The following SLC16A14 variants were observed in gnomAD, a reference collection of about 807,000 sequenced individuals.
SLC16A14 encodes solute carrier family 16 member 14, also known as monocarboxylate transporter 14.
SLC16A14 carries 14 observed loss-of-function variants against 35.8 expected under a neutral mutation model. That is an observed-to-expected ratio of 0.39 (90% CI 0.26 to 0.61). The LOEUF is 0.61. SLC16A14 is among the 20% of genes least tolerant of loss of function. The pLI, the probability that SLC16A14 is intolerant of heterozygous loss-of-function variation, is 0.51. For synonymous variants in SLC16A14, 248 were observed against 258.9 expected (o/e 0.96, Z 0.40); for missense variants, 533 against 655.0 (o/e 0.81, Z 2.03).
rs1032113093 is a variant in SLC16A14, at chr2:230,045,476, C to T, written c.1381+269G>A. The stretch of plus-strand genomic sequence containing the variant: ...ATGGGAGGCTAAGGCAGGAGAATCA[C>T]TTGAACCTGGGAGGTAGAGGTTGCA... On this transcript the variant is annotated intron_variant, in intron 4 of 4. Coordinates refer to ENST00000295190, the MANE Select transcript of SLC16A14 (RefSeq NM_152527.5). 3.3e-5 allele frequency among the ~76,000 whole-genome samples: 5 copies of T among 152,024 alleles called. 1 individual carries two copies. Among genetic ancestry groups the T allele is most frequent in the Non-Finnish European group, 2.9e-5 (2 of 68,018 alleles).
In SLC16A14 at chr2:230,061,131, G is replaced by A. The variant is rs544754809; in HGVS notation, c.-14-1765C>T. ...ACAGAGCCAGGGAGCACTCTGCCCC[G>A]GAGCTTGCAATAAGCTGGAGGACTT... On this transcript the variant is annotated intron_variant, in intron 1 of 4. Transcript: ENST00000295190. Among the ~76,000 whole-genome samples the A allele has an allele frequency of 8.5e-5, 13 of 152,302 alleles. No homozygotes were observed. In the South Asian group the frequency reaches 1.0e-3, roughly 12 times the overall value.
At chr2:230,054,096 A>T (rs558465997) in intron 2 of SLC16A14, among the ~76,000 whole-genome samples, 31 of 150,798 alleles carry the variant, frequency 2.1e-4, no homozygotes, top group South Asian at 1.5e-3. Flanking sequence ...TGGGGGGGGA[A>T]GTTAAAGCTC....
chr2:230,048,721 C>T (rs2077629273), intron 3 of SLC16A14, among the ~76,000 whole-genome samples: 1 of 151,832 alleles, frequency 6.6e-6, no homozygotes, highest in Admixed American at 6.6e-5. Context: ...GTTGGGAGTT[C>T]GAGACCAGCC....
intron 2 of SLC16A14, among the ~76,000 whole-genome samples, chr2:230,050,773 G>T (rs2077653734): frequency 6.6e-6 from 1 of 152,292 alleles, no homozygotes; most frequent in South Asian, 2.1e-4. Context: ...TTTGCTAAGT[G>T]CTTTATACAA....
At chr2:230,066,520 G>T (rs1430580742) in intron 1 of SLC16A14, 2 of 361,834 alleles carry the variant, frequency 5.5e-6, no homozygotes, top group South Asian at 2.1e-5. Flanking sequence ...AACTGGGTCA[G>T]CTACATATTT....
Position 230,068,293 on chromosome 2 carries a change from G to C in SLC16A14, c.-15+262C>G, listed in dbSNP as rs527582946. On this transcript the variant is annotated intron_variant, in intron 1 of 4. Transcript: ENST00000295190. This position sits in a 1 kb window ranked among gnomAD's most constrained non-coding sequence, Gnocchi z 5.1. Reference sequence around the variant, plus strand: ...AGCAAGGCGCGCGTCCCCAAGCTCCGCCTGGCGGTCTGCCCTGAACCGCCG... The same window carrying C: ...AGCAAGGCGCGCGTCCCCAAGCTCCCCCTGGCGGTCTGCCCTGAACCGCCG... The C allele has an allele frequency of 6.6e-6, 1 of 152,364 alleles. No individual in the cohort carries two copies. Among genetic ancestry groups the C allele is most frequent in the South Asian group, 2.1e-4 (1 of 4,828 alleles). 9.4% of individuals were successfully genotyped at this position (152,364 alleles called of 1,614,324 possible).
chr2:230,052,332 C>T (rs767313538), intron 2 of SLC16A14, among the ~76,000 whole-genome samples: 3 of 152,092 alleles, frequency 2.0e-5, no homozygotes, highest in Non-Finnish European at 2.9e-5. Context: ...GATGGAATTA[C>T]TGGGGTTAAC....
At chr2:230,051,408 G>T (rs189599740) in intron 2 of SLC16A14, among the ~76,000 whole-genome samples, 5 of 152,190 alleles carry the variant, frequency 3.3e-5, no homozygotes, top group African/African-American at 4.8e-5. Flanking sequence ...GGATCTGTCT[G>T]CCTTGGCCTC....
chr2:230,063,068 A>T (rs2077763516), intron 1 of SLC16A14, among the ~76,000 whole-genome samples: 1 of 151,774 alleles, frequency 6.6e-6, no homozygotes. Flanking sequence ...TGTGTGGATC[A>T]CCTGAGGTCA....
At chr2:230,060,477 G>T (rs1192608100) in intron 1 of SLC16A14, among the ~76,000 whole-genome samples, 1 of 152,004 alleles carries the variant, frequency 6.6e-6, no homozygotes, top group Non-Finnish European at 1.5e-5. Context: ...TGAATAACTG[G>T]GACTACAGGT....
At position 230,046,435 on chromosome 2, in the gene SLC16A14, C is replaced by T; in HGVS notation, c.691G>A (p.Ala231Thr). Residue 231 changes from alanine to threonine, a missense_variant, in exon 4 of 5, where the codon GCG (alanine) becomes ACG (threonine). Physicochemically the swap from Ala to Thr is moderately conservative, Grantham distance 58 (BLOSUM62 0). Transcript: ENST00000295190. This position sits in a 1 kb window ranked among gnomAD's most constrained non-coding sequence, Gnocchi z 5.0. ...GACTTCACAGATTCTGTGGAGTGCGCTGGCAGGCCACGCACATCTTTCTCT... is the reference window on the plus strand; with the variant it reads ...GACTTCACAGATTCTGTGGAGTGCGTTGGCAGGCCACGCACATCTTTCTCT... ...PGEKDVRGLPAHSTESVKSTG... is the reference protein window; with the variant it reads ...PGEKDVRGLPTHSTESVKSTG... 6.2e-7 allele frequency: 1 copy of T among 1,614,238 alleles called. No individual in the cohort carries two copies. The highest frequency in any genetic ancestry group is 1.6e-4 in the Middle Eastern group (1 of 6,062).
chr2:230,048,195 C>G (rs1426435480), intron 3 of SLC16A14, among the ~76,000 whole-genome samples: 1 of 152,184 alleles, frequency 6.6e-6, no homozygotes, highest in East Asian at 1.9e-4. Context: ...ACCATGTAAA[C>G]TAAGCTCTCT....
chr2:230,042,223 C>T lies in SLC16A14; in HGVS notation c.1381+3522G>A, dbSNP rs182471918. Among the ~76,000 whole-genome samples the T allele has an allele frequency of 3.7e-4, 57 of 152,260 alleles. 1 individual carries two copies. In the East Asian group the frequency reaches 0.01, roughly 27 times the overall value. Reference sequence around the variant, plus strand: ...GTGGATCCCATTCCACTACAGAATCCACCTCTGGGGAGGAACCTTGAAGCA... The same window carrying T: ...GTGGATCCCATTCCACTACAGAATCTACCTCTGGGGAGGAACCTTGAAGCA... On this transcript the variant is annotated intron_variant, in intron 4 of 4. Transcript: ENST00000295190.
At position 230,066,742 on chromosome 2, in the gene SLC16A14, CT is replaced by C. The variant is rs540676268; in HGVS notation, c.-15+1812del. The C allele has an allele frequency of 8.0e-3, 3,079 of 384,544 alleles. 38 individuals are homozygous for C. Among genetic ancestry groups the C allele is most frequent in the Middle Eastern group, 0.015 (17 of 1,102 alleles). 23.8% of individuals were successfully genotyped at this position (384,544 alleles called of 1,614,324 possible). On this transcript the variant is annotated intron_variant, in intron 1 of 4. Transcript: ENST00000295190. ...TTCCGCCTCCCGAGTTCAAGCGATT[CT>C]CCTGCCTCAGCCTCCCGAGTAGCTG...
intron 1 of SLC16A14, among the ~76,000 whole-genome samples, chr2:230,065,773 ATG>A (rs2077790462): frequency 6.6e-6 from 1 of 151,992 alleles, no homozygotes; most frequent in South Asian, 2.1e-4. Context: ...AATTATATAC[ATG>A]TATAATTATA....
At chr2:230,056,967 G>A (rs568787476) in intron 2 of SLC16A14, among the ~76,000 whole-genome samples, 164 of 151,570 alleles carry the variant, frequency 1.1e-3, no homozygotes, top group Non-Finnish European at 1.7e-3. Context: ...TTACTAATTG[G>A]GAATCACTGA....
intron 2 of SLC16A14, among the ~76,000 whole-genome samples, chr2:230,055,194 T>C (rs1315921978): frequency 1.3e-5 from 2 of 152,124 alleles, no homozygotes; most frequent in Non-Finnish European, 2.9e-5. Flanking sequence ...CAGACAATGG[T>C]CTGGCCTCCA....
chr2:230,056,259 T>G (rs1460854746), intron 2 of SLC16A14, among the ~76,000 whole-genome samples: 21 of 149,548 alleles, frequency 1.4e-4, no homozygotes, highest in African/African-American at 4.2e-4. Flanking sequence ...GGTGTTTTTT[T>G]TTTTTTTTTT....
intron 4 of SLC16A14, 184 bp downstream of exon 4, chr2:230,045,561 A>G (rs984144337): frequency 1.2e-4 from 45 of 374,830 alleles, no homozygotes; most frequent in Non-Finnish European, 2.0e-4. Context: ...CTCCGTCTTG[A>G]AAAAAAAAAA....
Sources: allele counts gnomAD v4.1 joint callset (sites outside exome capture counted in the v4.1 genomes callset), GRCh38; gene constraint gnomAD v4.1.1; non-coding constraint Gnocchi (gnomAD v3.1); transcripts MANE v1.5; gene names NCBI Gene and HGNC (gene_info 2026-07-23, HGNC 2026-07-21).